The following CRYBG3 variants were observed in gnomAD, a reference collection of about 807,000 sequenced individuals.
CRYBG3 encodes very large A-kinase anchor protein.
A neutral mutation model predicts 244.2 loss-of-function variants in CRYBG3; 127 were observed. The ratio of observed to expected loss-of-function variants is 0.52; its 90% confidence interval spans 0.45 to 0.60. The LOEUF (loss-of-function observed/expected upper bound fraction) is 0.60. CRYBG3 is among the 20% of genes least tolerant of loss of function. The pLI is 0.00. For synonymous variants in CRYBG3, 1,132 were observed against 1,195.8 expected, an observed-to-expected ratio of 0.95 and a Z score of 1.10; for missense variants, 3,325 against 3,442.5, an observed-to-expected ratio of 0.97 and a Z score of 0.85.
At chr3:97,917,708 T>C (rs1025441597) in intron 17 of CRYBG3, among the ~76,000 whole-genome samples, 10 of 152,138 alleles carry the variant, frequency 6.6e-5, no homozygotes, top group Non-Finnish European at 8.8e-5. Flanking sequence ...TGGGCACTTT[T>C]TCCCCCTCTC....
At position 97,872,668 on chromosome 3, in the gene CRYBG3, A is replaced by C. The variant is rs2039319365; in HGVS notation, c.1474A>C (p.Asn492His). 1 of 1,535,826 alleles carries C rather than the reference A, an allele frequency of 6.5e-7. No homozygotes were observed. Among genetic ancestry groups the C allele is most frequent in the African/African-American group, 1.4e-5 (1 of 73,024 alleles). ...ATCAAAGCAAGCTGCCACTCACACCAATATCATTGCTCTTCAGAGACATGC... is the reference window on the plus strand; with the variant it reads ...ATCAAAGCAAGCTGCCACTCACACCCATATCATTGCTCTTCAGAGACATGC... ...SSSKQAATHT[N>H]IIALQRHAVT... The change falls in exon 4 of 22, where the codon AAT (asparagine) becomes CAT (histidine). Residue 492 changes from asparagine to histidine, a missense_variant. Physicochemically the swap from Asn to His is moderately conservative, Grantham distance 68 (BLOSUM62 1). Around this residue, in one of 4 missense-constraint regions of CRYBG3, gnomAD observed 1,526 missense variants for 1,443.2 expected, o/e 1.06. Coordinates refer to ENST00000389622, the MANE Select transcript of CRYBG3 (RefSeq NM_153605.4).
intron 15 of CRYBG3, among the ~76,000 whole-genome samples, chr3:97,905,621 T>G (rs2108244496): frequency 6.6e-6 from 1 of 151,874 alleles, no homozygotes; most frequent in South Asian, 2.1e-4. Flanking sequence ...TTTGTTTGAG[T>G]TCATTGTAGA....
chr3:97,824,162 G>A (rs566111487), intron 1 of CRYBG3, among the ~76,000 whole-genome samples: 12 of 152,100 alleles, frequency 7.9e-5, no homozygotes, highest in Non-Finnish European at 1.6e-4. Flanking sequence ...CAAACACAAA[G>A]CCTTTATTGA....
Position 97,876,094 on chromosome 3 carries a change from A to G in CRYBG3, c.4900A>G (p.Ile1634Val), listed in dbSNP as rs1576538401. The change falls in exon 4 of 22, where the codon ATT becomes GTT. Residue 1634 changes from isoleucine (I) to valine (V), a missense_variant. Ile to Val is a conservative substitution (Grantham distance 29). This residue lies in a region of CRYBG3 where 635 missense variants were observed against 771.7 expected (regional missense o/e 0.82). Transcript: ENST00000389622. ...MKDTEGDIGK[I>V]EVIPMMPEVK... ...GGATACTGAAGGGGATATTGGCAAA[A>G]TTGAGGTGATACCTATGATGCCAGA... 2.4e-6 allele frequency: 3 copies of G among 1,231,834 alleles called. No homozygotes were observed. In the African/African-American group the frequency reaches 4.7e-5, roughly 19 times the overall value. 76.3% of individuals were successfully genotyped at this position (1,231,834 alleles called of 1,614,324 possible). A position where few individuals can be genotyped will look rare whatever the true frequency, so the allele number is the denominator to read the frequency against.
rs2038914265 is a variant in CRYBG3, at chr3:97,847,049, A to G, written c.216+3788A>G. 1.3e-5 allele frequency among the ~76,000 whole-genome samples: 2 copies of G among 152,182 alleles called. 1 individual carries two copies. The stretch of plus-strand genomic sequence containing the variant: ...GTCACATAGCAAGAGCAGGAGCAAG[A>G]GAGAGGGGAAAGCTGCCACACACTT... On this transcript the variant is annotated intron_variant, in intron 2 of 21. Transcript: ENST00000389622.
At chr3:97,914,637 G>A (rs75950972) in intron 16 of CRYBG3, among the ~76,000 whole-genome samples, 3,163 of 152,100 alleles carry the variant, frequency 0.021, 106 homozygotes, top group African/African-American at 0.072. Flanking sequence ...GTAAAGGAGG[G>A]GTAATAACGG....
chr3:97,905,399 G>A (rs2039760291), intron 15 of CRYBG3, among the ~76,000 whole-genome samples: 1 of 151,618 alleles, frequency 6.6e-6, no homozygotes, highest in South Asian at 2.1e-4. Context: ...ATCCTCTCCA[G>A]CACCTGTTGT....
At chr3:97,937,064 A>T (rs1466445793) in intron 19 of CRYBG3, among the ~76,000 whole-genome samples, 156 bp downstream of exon 19, 1 of 152,064 alleles carries the variant, frequency 6.6e-6, no homozygotes, top group African/African-American at 2.4e-5. Context: ...CATTTTAACC[A>T]ATTTGTAAGA....
At chr3:97,836,655 C>A (rs1559713408) in intron 1 of CRYBG3, among the ~76,000 whole-genome samples, 1 of 152,126 alleles carries the variant, frequency 6.6e-6, no homozygotes, top group East Asian at 1.9e-4. Context: ...ATGTAGATCC[C>A]ATGGCTTGAG....
intron 10 of CRYBG3, among the ~76,000 whole-genome samples, chr3:97,892,639 A>T (rs1199509376): frequency 6.6e-6 from 1 of 152,062 alleles, no homozygotes; most frequent in Non-Finnish European, 1.5e-5. Flanking sequence ...GATCCTTTTC[A>T]GATGTGTTAT....
chr3:97,885,495 A>G (rs1220175601), intron 7 of CRYBG3, among the ~76,000 whole-genome samples: 2 of 152,210 alleles, frequency 1.3e-5, no homozygotes, highest in Non-Finnish European at 2.9e-5. Flanking sequence ...GTATTGAGAT[A>G]GTGTGTTAAG....
chr3:97,837,978 G>A (rs2038757994), intron 1 of CRYBG3, among the ~76,000 whole-genome samples: 1 of 152,066 alleles, frequency 6.6e-6, no homozygotes, highest in Non-Finnish European at 1.5e-5. Flanking sequence ...CCCTTACTGT[G>A]CCTCACCCCT....
rs764925699 is a variant in CRYBG3, at chr3:97,877,434, T to G, written c.6240T>G (p.Ile2080Met). 8.1e-6 allele frequency: 13 copies of G among 1,614,128 alleles called. No individual in the cohort carries two copies. In the South Asian group the frequency reaches 1.1e-4, roughly 14 times the overall value. Reference protein sequence around the residue: ...FLSVEAKRYKIYPLALSPIYE... With the variant: ...FLSVEAKRYKMYPLALSPIYE... ...CAGTGGAGGCCAAAAGGTACAAAAT[T>G]TATCCTTTAGCATTGTCTCCCATTT... is the stretch of plus-strand genomic sequence containing the variant. The change falls in exon 4 of 22, where the codon ATT (isoleucine) becomes ATG (methionine). Residue 2080 changes from isoleucine (I) to methionine (M), a missense_variant. Physicochemically the swap from Ile to Met is conservative, Grantham distance 10. Around this residue, in one of 4 missense-constraint regions of CRYBG3, gnomAD observed 450 missense variants for 424.1 expected, o/e 1.06. Coordinates refer to ENST00000389622, the MANE Select transcript of CRYBG3 (RefSeq NM_153605.4).
At chr3:97,827,884 A>C (rs1367937447) in intron 1 of CRYBG3, among the ~76,000 whole-genome samples, 1 of 152,148 alleles carries the variant, frequency 6.6e-6, no homozygotes, top group Non-Finnish European at 1.5e-5. Flanking sequence ...TTAACTTGGG[A>C]AGACTCGTAA....
At chr3:97,861,598 G>A (rs140539938) in intron 2 of CRYBG3, among the ~76,000 whole-genome samples, 111 of 152,264 alleles carry the variant, frequency 7.3e-4, no homozygotes, top group African/African-American at 2.5e-3. Flanking sequence ...GCCTTCATCA[G>A]TAACATTCAT....
chr3:97,895,872 C>A, intron 11 of CRYBG3, 87 bp from the exon 12 acceptor site: 1 of 1,252,768 alleles, frequency 8.0e-7, no homozygotes. Flanking sequence ...AGATGAACCA[C>A]TATGAGCTTT....
chr3:97,849,449 A>AT (rs2038952890), intron 2 of CRYBG3, among the ~76,000 whole-genome samples: 1 of 151,948 alleles, frequency 6.6e-6, no homozygotes, highest in Non-Finnish European at 1.5e-5. Flanking sequence ...AAAAAAAAAA[A>AT]GTGAGTGCTA....
chr3:97,873,225 G>C lies in CRYBG3; in HGVS notation c.2031G>C (p.Glu677Asp). ...TGGATATTCCTGATTTAATGAATGAGGGTTCTCCTGTGCCCATTGAAACTG... is the reference window on the plus strand; with the variant it reads ...TGGATATTCCTGATTTAATGAATGACGGTTCTCCTGTGCCCATTGAAACTG... ...SKLDIPDLMNEGSPVPIETGN... is the reference protein window; with the variant it reads ...SKLDIPDLMNDGSPVPIETGN... Residue 677 changes from glutamate (E) to aspartate (D), a missense_variant, in exon 4 of 22, where the codon GAG becomes GAC. Coordinates refer to ENST00000389622, the MANE Select transcript of CRYBG3 (RefSeq NM_153605.4). The C allele has an allele frequency of 6.5e-7, 1 of 1,535,750 alleles. No individual in the cohort carries two copies. The highest frequency in any genetic ancestry group is 2.4e-5 in the East Asian group (1 of 40,912).
chr3:97,915,832 G>A, intron 17 of CRYBG3, 96 bp downstream of exon 17: 4 of 1,003,852 alleles, frequency 4.0e-6, no homozygotes, highest in Admixed American at 2.7e-5. Flanking sequence ...AATGATACAA[G>A]GAGAAATATA....
Sources: allele counts gnomAD v4.1 joint callset (sites outside exome capture counted in the v4.1 genomes callset), GRCh38; gene constraint gnomAD v4.1.1; regional missense constraint gnomAD v4.1.1; transcripts MANE v1.5; gene names NCBI Gene and HGNC (gene_info 2026-07-23, HGNC 2026-07-21).